FMN1: variants seen among roughly 807,000 people sequenced by gnomAD.
FMN1 encodes the protein formin-1.
A neutral mutation model predicts 132.4 loss-of-function variants in FMN1; 110 were observed. The ratio of observed to expected loss-of-function variants is 0.83; its 90% CI spans 0.71 to 0.97. The LOEUF (loss-of-function observed/expected upper bound fraction) is 0.97, where lower values mean the gene tolerates loss of function less well. FMN1 is among the 50% of genes least tolerant of loss of function. FMN1 has a pLI of 0.00. For synonymous variants in FMN1, 722 were observed against 651.7 expected, an observed-to-expected ratio of 1.11 and a Z score of -1.64; for missense variants, 1,792 against 1,705.3, an observed-to-expected ratio of 1.05 and a Z score of -0.90.
chr15:32,776,906 G>C lies in FMN1; in HGVS notation c.4144C>G (p.Gln1382Glu), dbSNP rs2056437139. ...NISKERLKMA[Q>E]ESVSKLTSEK... ...GAAGTCAACTTGCTGACTGATTCCTGAGCCATTTTCAATCTGAAATAGAAA... is the reference window on the plus strand; with the variant it reads ...GAAGTCAACTTGCTGACTGATTCCTCAGCCATTTTCAATCTGAAATAGAAA... Residue 1382 changes from glutamine (Q) to glutamate (E), a missense_variant, in exon 20 of 21, where the codon CAG becomes GAG. Gln to Glu is a conservative substitution (Grantham distance 29). Transcript: ENST00000616417. The C allele has an allele frequency of 2.5e-6, 4 of 1,587,498 alleles. No individual in the cohort carries two copies. The highest frequency in any genetic ancestry group is 3.4e-6 in the Non-Finnish European group (4 of 1,163,510).
chr15:32,901,742 C>G (rs1490849254), intron 13 of FMN1, among the ~76,000 whole-genome samples, 169 bp downstream of exon 13: 1 of 152,006 alleles, frequency 6.6e-6, no homozygotes, highest in Non-Finnish European at 1.5e-5. Flanking sequence ...TTTTCTCTCC[C>G]TCTCTCTCAT....
chr15:32,994,228 T>TCACA (rs2033628182), intron 7 of FMN1, among the ~76,000 whole-genome samples: 1 of 33,746 alleles, frequency 3.0e-5, no homozygotes, highest in African/African-American at 5.6e-5. Context: ...TCTCTCTCTC[T>TCACA]CTCTCACACA....
intron 17 of FMN1, among the ~76,000 whole-genome samples, chr15:32,844,650 C>T (rs2058818106): frequency 6.6e-6 from 1 of 152,128 alleles, no homozygotes; most frequent in African/African-American, 2.4e-5. Flanking sequence ...TTGCTTCTGG[C>T]TTATTTTTAG....
At chr15:33,164,613 T>C (rs55760410) in intron 3 of FMN1, among the ~76,000 whole-genome samples, 2 of 152,184 alleles carry the variant, frequency 1.3e-5, no homozygotes, top group African/African-American at 2.4e-5. Context: ...CCTTACCTTT[T>C]CAAAGCTTAA....
chr15:32,854,684 G>A (rs925813453), intron 17 of FMN1, among the ~76,000 whole-genome samples: 7 of 151,982 alleles, frequency 4.6e-5, no homozygotes, highest in African/African-American at 1.4e-4. Flanking sequence ...AGGCCGAGGC[G>A]GGTGGATCGC....
chr15:32,895,280 T>C (rs2060126455), intron 15 of FMN1, among the ~76,000 whole-genome samples: 1 of 149,712 alleles, frequency 6.7e-6, no homozygotes, highest in South Asian at 2.1e-4. Context: ...TGTTAAGATA[T>C]GGACACATTA....
intron 3 of FMN1, among the ~76,000 whole-genome samples, chr15:33,169,201 G>A (rs1965222442): frequency 6.6e-6 from 1 of 152,128 alleles, no homozygotes; most frequent in African/African-American, 2.4e-5. Context: ...TGACTGGCTT[G>A]AAAAGAATAA....
intron 15 of FMN1, among the ~76,000 whole-genome samples, chr15:32,893,076 A>G (rs347931): frequency 0.65 from 98,976 of 152,102 alleles, 33,929 homozygotes; most frequent in African/African-American, 0.88. Flanking sequence ...GTTTTCTTGT[A>G]GTTTCAGGAA....
chr15:32,776,299 C>T lies in FMN1; in HGVS notation c.4215+536G>A, dbSNP rs899626815. Among the ~76,000 whole-genome samples the T allele has an allele frequency of 2.0e-5, 3 of 152,158 alleles. No individual in the cohort carries two copies. The South Asian group carries it at 6.2e-4, about 31-fold the overall frequency. On this transcript the variant is annotated intron_variant, in intron 20 of 20. Transcript: ENST00000616417. The stretch of plus-strand genomic sequence containing the variant: ...CTGAAAACTGGACTTTGGAGGACAA[C>T]GCAATCTCACATATAGGAAGGCTGG...
chr15:32,785,417 C>T (rs2056843703), intron 19 of FMN1, among the ~76,000 whole-genome samples: 1 of 151,126 alleles, frequency 6.6e-6, no homozygotes, highest in Non-Finnish European at 1.5e-5. Context: ...GGCGTCTGGA[C>T]ACAACAGGTC....
At chr15:32,868,760 C>T (rs1362666344) in intron 16 of FMN1, among the ~76,000 whole-genome samples, 1 of 151,502 alleles carries the variant, frequency 6.6e-6, no homozygotes, top group Non-Finnish European at 1.5e-5. Flanking sequence ...TTTTTAAATC[C>T]CTGTCCGGGT....
At chr15:32,796,842 T>G (rs1411382716) in intron 19 of FMN1, among the ~76,000 whole-genome samples, 1 of 152,224 alleles carries the variant, frequency 6.6e-6, no homozygotes, top group South Asian at 2.1e-4. Context: ...TGCTGCTGCC[T>G]CCAGAAATAT....
chr15:33,188,034 T>C (rs374180129), intron 2 of FMN1, among the ~76,000 whole-genome samples: 16 of 152,268 alleles, frequency 1.1e-4, no homozygotes, highest in African/African-American at 3.1e-4. Flanking sequence ...AAAAGCCCTC[T>C]TTTTAAAAAG....
At chr15:33,086,993 G>A (rs923960291) in intron 5 of FMN1, among the ~76,000 whole-genome samples, 1 of 152,216 alleles carries the variant, frequency 6.6e-6, no homozygotes, top group Non-Finnish European at 1.5e-5. Flanking sequence ...TTCCAGGTCT[G>A]AAAGTAATGA....
At chr15:33,084,307 A>C (rs2038606136) in intron 5 of FMN1, among the ~76,000 whole-genome samples, 1 of 152,110 alleles carries the variant, frequency 6.6e-6, no homozygotes, top group African/African-American at 2.4e-5. Context: ...ATAGTCAGTA[A>C]ATTGTTTCCT....
chr15:33,172,123 G>A (rs1333632803), intron 3 of FMN1, among the ~76,000 whole-genome samples: 1 of 152,008 alleles, frequency 6.6e-6, no homozygotes, highest in Non-Finnish European at 1.5e-5. Flanking sequence ...CAGGACAATG[G>A]CGTGAACCTG....
chr15:32,997,619 C>A (rs936976632), intron 7 of FMN1, among the ~76,000 whole-genome samples: 6 of 152,142 alleles, frequency 3.9e-5, no homozygotes, highest in Admixed American at 2.0e-4. Flanking sequence ...GCTTCCTTCT[C>A]AGTAGCCAGG....
At chr15:33,038,781 T>A (rs1378899909) in intron 6 of FMN1, among the ~76,000 whole-genome samples, 2 of 152,196 alleles carry the variant, frequency 1.3e-5, no homozygotes, top group African/African-American at 4.8e-5. Flanking sequence ...CTTTCACCTG[T>A]TGTTGGAAAT....
chr15:32,984,781 C>T (rs1158849600), intron 7 of FMN1, among the ~76,000 whole-genome samples: 1 of 151,948 alleles, frequency 6.6e-6, no homozygotes, highest in East Asian at 1.9e-4. Context: ...AAGCAGGATC[C>T]ATATGTCATG....
Sources: gnomAD v4.1 joint callset for allele counts (sites outside exome capture counted in the v4.1 genomes callset) on GRCh38, gnomAD v4.1.1 for gene constraint, MANE v1.5 for transcripts, NCBI Gene and HGNC (gene_info 2026-07-23, HGNC 2026-07-21) for gene names.